Variants in CACNA1A observed in about 807,000 individuals in gnomAD.
The protein encoded by CACNA1A is calcium voltage-gated channel subunit alpha1 A, also known as voltage-dependent P/Q-type calcium channel subunit alpha-1A.
A neutral mutation model predicts 262.4 loss-of-function variants in CACNA1A; 57 were observed. The observed-to-expected ratio is 0.22, with a 90% CI of 0.18 to 0.27. The LOEUF (loss-of-function observed/expected upper bound fraction) is 0.27, where lower values mean the gene tolerates loss of function less well. CACNA1A is among the 10% of genes least tolerant of loss of function. The pLI is 1.00. For missense variants in CACNA1A, 2,526 were observed against 3,562.8 expected (o/e 0.71, Z 7.41); for synonymous variants, 1,431 against 1,419.3 (o/e 1.01, Z -0.18).
chr19:13,412,527 G>A (rs2060129820), intron 3 of CACNA1A, among the ~76,000 whole-genome samples: 1 of 151,106 alleles, frequency 6.6e-6, no homozygotes, highest in Non-Finnish European at 1.5e-5. Context: ...ACCCAGGCTG[G>A]AGTGCAGTGG....
intron 19 of CACNA1A, among the ~76,000 whole-genome samples, chr19:13,288,003 A>G (rs1178310880): frequency 1.3e-5 from 2 of 151,894 alleles, no homozygotes; most frequent in African/African-American, 4.8e-5. Context: ...GCGTCTCACT[A>G]TGTTGCCCAG....
At chr19:13,227,559 CA>C in intron 36 of CACNA1A, 32 bp from the exon 37 acceptor site, 1 of 1,353,036 alleles carries the variant, frequency 7.4e-7, no homozygotes, top group Non-Finnish European at 1.0e-6. Flanking sequence ...AAAACAAAAA[CA>C]AAAACAAAAA....
intron 15 of CACNA1A, 56 bp from the exon 16 acceptor site, chr19:13,303,940 G>A: frequency 1.6e-6 from 2 of 1,260,912 alleles, no homozygotes; most frequent in Non-Finnish European, 2.3e-6. Context: ...CGGGCCCCTT[G>A]GAGATGCAGC....
intron 6 of CACNA1A, among the ~76,000 whole-genome samples, chr19:13,348,009 C>G (rs2058825137): frequency 6.6e-6 from 1 of 152,104 alleles, no homozygotes; most frequent in Non-Finnish European, 1.5e-5. Context: ...CAGCTTCAAA[C>G]CCTTGGGCTC....
intron 2 of CACNA1A, among the ~76,000 whole-genome samples, chr19:13,453,971 A>C (rs1256248826): frequency 6.6e-6 from 1 of 151,984 alleles, no homozygotes; most frequent in Non-Finnish European, 1.5e-5. Flanking sequence ...GACATTGTGA[A>C]ATGTATGTTT....
chr19:13,265,499 C>G (rs7251403), intron 24 of CACNA1A, among the ~76,000 whole-genome samples: 18 of 151,744 alleles, frequency 1.2e-4, no homozygotes, highest in African/African-American at 4.4e-4. Flanking sequence ...AACTCTGAAC[C>G]TTTTTTTTTC....
intron 8 of CACNA1A, chr19:13,334,100 G>T (rs911303829): frequency 3.5e-5 from 14 of 396,864 alleles, no homozygotes; most frequent in Non-Finnish European, 4.6e-5. Flanking sequence ...GGAGGTACAG[G>T]GATGTGTGGT....
At position 13,212,346 on chromosome 19, in the gene CACNA1A, G is replaced by A. The variant is rs780209862; in HGVS notation, c.6189+38C>T. 2 of 1,612,298 alleles carry A rather than the reference G, an allele frequency of 1.2e-6. No individual in the cohort carries two copies. Among genetic ancestry groups the A allele is most frequent in the Non-Finnish European group, 1.7e-6 (2 of 1,179,168 alleles). ...GATCCCTTCCACCTGAACCACCCGGGCCCTGGGAGCCATTGGGGAGTTGGG... is the reference window on the plus strand; with the variant it reads ...GATCCCTTCCACCTGAACCACCCGGACCCTGGGAGCCATTGGGGAGTTGGG... On this transcript the variant is annotated intron_variant, in intron 42 of 46. Transcript: ENST00000360228. The surrounding 1 kb of genome is among the most constrained non-coding windows in gnomAD (Gnocchi z 5.6).
chr19:13,245,477 C>T (rs926797369), intron 30 of CACNA1A: 3 of 565,484 alleles, frequency 5.3e-6, no homozygotes, highest in Non-Finnish European at 9.6e-6. Flanking sequence ...CCATGATTGG[C>T]CTGGCCCCAG....
intron 1 of CACNA1A, among the ~76,000 whole-genome samples, chr19:13,492,694 GA>G (rs763398367): frequency 6.2e-4 from 94 of 151,870 alleles, no homozygotes; most frequent in Middle Eastern, 3.4e-3. Flanking sequence ...ATATCGGGGG[GA>G]AAAAAGGAGT....
intron 27 of CACNA1A, chr19:13,258,747 C>G (rs1033697242): frequency 2.6e-5 from 4 of 151,868 alleles, no homozygotes; most frequent in Non-Finnish European, 5.9e-5. Context: ...AAGCTTCCAG[C>G]CTGGCATTTC....
intron 3 of CACNA1A, chr19:13,451,701 A>G (rs1286600878): frequency 6.6e-6 from 1 of 152,154 alleles, no homozygotes; most frequent in African/African-American, 2.4e-5. Flanking sequence ...TCCAAGTATC[A>G]CCTTCTATGC....
At position 13,345,373 on chromosome 19, in the gene CACNA1A, G is replaced by C. The variant is rs181371604; in HGVS notation, c.979-9464C>G. 6.9e-3 allele frequency among the ~76,000 whole-genome samples: 1,044 copies of C among 152,112 alleles called. 7 individuals are homozygous for C. The highest frequency in any genetic ancestry group is 8.9e-3 in the Non-Finnish European group (602 of 68,008). ...TTTTTTCCCACTTCACCCCTTCTCCGTACTTGCATAGTATTTTAAGTAAAT... is the reference window on the plus strand; with the variant it reads ...TTTTTTCCCACTTCACCCCTTCTCCCTACTTGCATAGTATTTTAAGTAAAT... On this transcript the variant is annotated intron_variant, in intron 6 of 46. Coordinates refer to ENST00000360228, the MANE Select transcript of CACNA1A (RefSeq NM_001127222.2).
Position 13,230,078 on chromosome 19 carries a change from T to C in CACNA1A, c.5528+4A>G. The C allele has an allele frequency of 1.2e-6, 2 of 1,613,078 alleles. No individual in the cohort carries two copies. The highest frequency in any genetic ancestry group is 1.7e-6 in the Non-Finnish European group (2 of 1,179,324). ...TGGCTGGAGGATTCGGGGTGACTTC[T>C]TACCAAGCTGCGGGGTCATACTCGG... is the stretch of plus-strand genomic sequence containing the variant. On this transcript the variant is annotated splice_donor_region_variant and intron_variant, in intron 36 of 46. Transcript: ENST00000360228.
chr19:13,423,449 G>A (rs2060349586), intron 3 of CACNA1A, among the ~76,000 whole-genome samples: 1 of 152,180 alleles, frequency 6.6e-6, no homozygotes, highest in African/African-American at 2.4e-5. Flanking sequence ...AGAAGGAGGT[G>A]AAGTGAAGCC....
intron 1 of CACNA1A, among the ~76,000 whole-genome samples, chr19:13,474,166 C>A (rs1004827628): frequency 2.6e-5 from 4 of 152,328 alleles, no homozygotes; most frequent in Admixed American, 2.0e-4. Context: ...CAACACCCAG[C>A]GCAGACAGAA....
intron 3 of CACNA1A, among the ~76,000 whole-genome samples, chr19:13,393,252 T>C (rs972931106): frequency 1.3e-5 from 2 of 152,144 alleles, no homozygotes; most frequent in Non-Finnish European, 2.9e-5. Context: ...CCACCATTAG[T>C]AGAGTAAATG....
intron 4 of CACNA1A, chr19:13,366,350 G>C (rs548636891): frequency 6.6e-6 from 1 of 152,080 alleles, no homozygotes; most frequent in African/African-American, 2.4e-5. Flanking sequence ...CATGCCTGTA[G>C]TCCTAGCTAC....
chr19:13,256,010 T>A (rs2056558700), intron 28 of CACNA1A, among the ~76,000 whole-genome samples: 1 of 126,958 alleles, frequency 7.9e-6, no homozygotes, highest in African/African-American at 2.9e-5. Flanking sequence ...TTTTTTTTTC[T>A]TTGACACGGG....
Sources: gnomAD v4.1 joint callset for allele counts (sites outside exome capture counted in the v4.1 genomes callset) on GRCh38, gnomAD v4.1.1 for gene constraint, Gnocchi (gnomAD v3.1) non-coding constraint, MANE v1.5 for transcripts, NCBI Gene and HGNC (gene_info 2026-07-23, HGNC 2026-07-21) for gene names.